Variants in DOCK3 observed in about 807,000 individuals in gnomAD.
DOCK3 encodes the protein dedicator of cytokinesis protein 3.
A neutral mutation model predicts 265.6 loss-of-function variants in DOCK3; 60 were observed. The observed-to-expected ratio is 0.23, with a 90% CI of 0.18 to 0.28. The LOEUF is 0.28. Ranked by LOEUF, DOCK3 falls within the 10% of genes least tolerant of loss-of-function variation. The pLI is 1.00. For synonymous variants in DOCK3, 881 were observed against 938.0 expected (o/e 0.94, Z 1.11); for missense variants, 1,981 against 2,594.3 (o/e 0.76, Z 5.14).
At chr3:51,117,801 G>T (rs1214095943) in intron 9 of DOCK3, among the ~76,000 whole-genome samples, 1 of 152,116 alleles carries the variant, frequency 6.6e-6, no homozygotes, top group African/African-American at 2.4e-5. Flanking sequence ...TGGGATCAGT[G>T]GTGATCAACC....
chr3:50,832,274 G>C (rs1040267124), intron 2 of DOCK3, among the ~76,000 whole-genome samples: 5 of 152,178 alleles, frequency 3.3e-5, no homozygotes, highest in Non-Finnish European at 5.9e-5. Flanking sequence ...AGAAAACCTA[G>C]GTAGTACCAT....
At chr3:51,173,469 G>A (rs565243038) in intron 12 of DOCK3, among the ~76,000 whole-genome samples, 1 of 152,242 alleles carries the variant, frequency 6.6e-6, no homozygotes, top group South Asian at 2.1e-4. Context: ...TAGTGTTCTT[G>A]TATTTCAGCT....
At chr3:50,854,591 A>ATTTTT (rs1559726991) in intron 3 of DOCK3, among the ~76,000 whole-genome samples, 6 of 4,320 alleles carry the variant, frequency 1.4e-3, no homozygotes, top group African/African-American at 2.1e-3. Flanking sequence ...CCATCACACC[A>ATTTTT]GTTTTTTTTT....
chr3:51,199,750 T>C (rs1313482338), intron 12 of DOCK3, among the ~76,000 whole-genome samples: 1 of 152,242 alleles, frequency 6.6e-6, no homozygotes, highest in Non-Finnish European at 1.5e-5. Flanking sequence ...AGTGGGTCCC[T>C]GACCCCTGAG....
At chr3:50,726,901 G>A (rs1203030823) in intron 1 of DOCK3, among the ~76,000 whole-genome samples, 1 of 152,068 alleles carries the variant, frequency 6.6e-6, no homozygotes, top group Non-Finnish European at 1.5e-5. Flanking sequence ...ATTCACAGGG[G>A]GAAAAAGAAA....
At chr3:51,310,737 C>G (rs1205698549) in intron 28 of DOCK3, among the ~76,000 whole-genome samples, 1 of 152,216 alleles carries the variant, frequency 6.6e-6, no homozygotes, top group African/African-American at 2.4e-5. Flanking sequence ...CTTCTGATTA[C>G]TGACATAGAA....
intron 3 of DOCK3, among the ~76,000 whole-genome samples, chr3:50,855,073 G>T (rs1423130112): frequency 4.6e-5 from 7 of 151,856 alleles, no homozygotes; most frequent in Admixed American, 4.6e-4. Context: ...ATGCTCCTGG[G>T]TTTGTTCTTT....
chr3:50,882,337 GA>G (rs1408108532), intron 3 of DOCK3, among the ~76,000 whole-genome samples: 1 of 152,174 alleles, frequency 6.6e-6, no homozygotes, highest in Non-Finnish European at 1.5e-5. Flanking sequence ...GCAACTTACA[GA>G]ATGGGAGAAC....
At chr3:50,764,525 T>C (rs1280985304) in intron 1 of DOCK3, among the ~76,000 whole-genome samples, 1 of 152,206 alleles carries the variant, frequency 6.6e-6, no homozygotes, top group African/African-American at 2.4e-5. Flanking sequence ...ATTTAGGAAT[T>C]CTTGGAAACC....
chr3:50,885,201 C>G (rs912125862), intron 3 of DOCK3, among the ~76,000 whole-genome samples: 2 of 152,066 alleles, frequency 1.3e-5, no homozygotes, highest in Non-Finnish European at 2.9e-5. Context: ...AATGTTTTCC[C>G]CATGTTTTTG....
chr3:51,336,442 T>G (rs1020873101), intron 35 of DOCK3, among the ~76,000 whole-genome samples: 1 of 152,118 alleles, frequency 6.6e-6, no homozygotes, highest in Admixed American at 6.5e-5. Flanking sequence ...CTGAGGGTTA[T>G]GAAGCCTTCC....
chr3:51,125,266 G>A (rs1417448390), intron 9 of DOCK3, among the ~76,000 whole-genome samples: 1 of 152,092 alleles, frequency 6.6e-6, no homozygotes, highest in African/African-American at 2.4e-5. Context: ...AAGCATTTAG[G>A]AACTTTCTTT....
At chr3:50,957,750 CCTT>C (rs1248403122) in intron 5 of DOCK3, among the ~76,000 whole-genome samples, 1 of 152,166 alleles carries the variant, frequency 6.6e-6, no homozygotes, top group Non-Finnish European at 1.5e-5. Flanking sequence ...AATCCAGAAA[CCTT>C]CTGGTACATG....
At chr3:51,092,898 G>C (rs1166180570) in intron 9 of DOCK3, among the ~76,000 whole-genome samples, 1 of 152,188 alleles carries the variant, frequency 6.6e-6, no homozygotes, top group Admixed American at 6.5e-5. Flanking sequence ...TCTGCATATG[G>C]CTAGCCAGTT....
intron 27 of DOCK3, among the ~76,000 whole-genome samples, chr3:51,282,644 ACT>A (rs1332892518): frequency 7.0e-6 from 1 of 143,110 alleles, no homozygotes. Context: ...CAAGAGTGAA[ACT>A]CTGTCTCAAA....
chr3:51,367,519 T>G (rs886630158), intron 49 of DOCK3, among the ~76,000 whole-genome samples: 5 of 152,216 alleles, frequency 3.3e-5, no homozygotes, highest in Admixed American at 2.6e-4. Context: ...ATGTGTGAAT[T>G]TGATCCTGTC....
chr3:51,249,942 C>T (rs1352975184), intron 22 of DOCK3, among the ~76,000 whole-genome samples: 1 of 151,522 alleles, frequency 6.6e-6, no homozygotes, highest in Non-Finnish European at 1.5e-5. Flanking sequence ...AAAAATTCTT[C>T]TGCCTTGGGA....
At chr3:50,794,248 C>T (rs2042645952) in intron 2 of DOCK3, among the ~76,000 whole-genome samples, 1 of 152,140 alleles carries the variant, frequency 6.6e-6, no homozygotes, top group Non-Finnish European at 1.5e-5. Context: ...TCTATCAGAT[C>T]CATTTGATCC....
chr3:50,820,033 G>A (rs747134885), intron 2 of DOCK3, among the ~76,000 whole-genome samples: 59 of 152,158 alleles, frequency 3.9e-4, no homozygotes, highest in Admixed American at 2.1e-3. Context: ...CTGAAAGGGG[G>A]AGAAAGCCTC....
Sources: allele counts gnomAD v4.1 joint callset (sites outside exome capture counted in the v4.1 genomes callset), GRCh38; gene constraint gnomAD v4.1.1; transcripts MANE v1.5; gene names NCBI Gene and HGNC (gene_info 2026-07-23, HGNC 2026-07-21).